C2: variants seen among roughly 807,000 people sequenced by gnomAD.
C2 encodes C3/C5 convertase.
C2 carries 64 observed loss-of-function variants against 85.2 expected under a neutral mutation model. The observed-to-expected ratio is 0.75, with a 90% CI of 0.61 to 0.92. C2 has a LOEUF of 0.92. Among genes scored for constraint, C2 ranks in the 40% least tolerant of loss-of-function variants. The pLI is 0.00. For missense variants in C2, 820 were observed against 971.6 expected, an observed-to-expected ratio of 0.84 and a Z score of 2.07; for synonymous variants, 311 against 370.8, an observed-to-expected ratio of 0.84 and a Z score of 1.85.
intron 6 of C2, 33 bp downstream of exon 6, chr6:31,934,332 C>A: frequency 2.5e-6 from 4 of 1,613,356 alleles, no homozygotes; most frequent in South Asian, 1.1e-5. Context: ...GCAGCAGAGG[C>A]CTTCCTGTGC....
intron 8 of C2, among the ~76,000 whole-genome samples, chr6:31,938,456 G>GTATATA (rs5875341): frequency 5.5e-5 from 8 of 144,256 alleles, no homozygotes; most frequent in South Asian, 2.2e-4. Context: ...ATATATGTAT[G>GTATATA]TATATATATA....
chr6:31,909,924 C>G (rs191758742), intron 1 of C2, among the ~76,000 whole-genome samples: 2 of 151,466 alleles, frequency 1.3e-5, no homozygotes, highest in African/African-American at 4.9e-5. Context: ...TCTGTTGCCC[C>G]GGCTAGAGTA....
At position 31,937,441 on chromosome 6, in the gene C2, A is replaced by C; in HGVS notation, c.1111A>C (p.Ile371Leu). 6.2e-7 allele frequency: 1 copy of C among 1,612,882 alleles called. No individual in the cohort carries two copies. Among genetic ancestry groups the C allele is most frequent in the Non-Finnish European group, 8.5e-7 (1 of 1,179,990 alleles). ...TMAWQEIRHA[I>L]ILLTDGKSNM... ...GGCCTGGCAGGAAATCCGACATGCCATCATCCTTCTGACAGATGGTGGGTA... is the reference window on the plus strand; with the variant it reads ...GGCCTGGCAGGAAATCCGACATGCCCTCATCCTTCTGACAGATGGTGGGTA... Residue 371 changes from isoleucine to leucine, a missense_variant, in exon 8 of 18, where the codon ATC becomes CTC. Coordinates refer to ENST00000299367, the MANE Select transcript of C2 (RefSeq NM_000063.6).
upstream of C2, among the ~76,000 whole-genome samples, chr6:31,899,073 A>T (rs1353132560): frequency 6.6e-6 from 1 of 152,120 alleles, no homozygotes; most frequent in Non-Finnish European, 1.5e-5. Context: ...GTAAAGGAAA[A>T]AAAAAAGTTT....
At chr6:31,923,525 C>T (rs1769094631), upstream of C2, among the ~76,000 whole-genome samples, 1 of 152,134 alleles carries the variant, frequency 6.6e-6, no homozygotes, top group Admixed American at 6.5e-5. Flanking sequence ...GCTCTGTCAC[C>T]CAGGCTGGAG....
rs1562595921 is a variant in C2, at chr6:31,933,617, C to T, written c.450C>T (p.His150=). 2 of 1,612,978 alleles carry T rather than the reference C, an allele frequency of 1.2e-6. No individual in the cohort carries two copies. Among genetic ancestry groups the T allele is most frequent in the Non-Finnish European group, 1.7e-6 (2 of 1,180,050 alleles). ...TCCTTTGTTCACTCGCAGCTGGCCACTGCCCCAACCCAGGCATTTCACTGG... is the reference window on the plus strand; with the variant it reads ...TCCTTTGTTCACTCGCAGCTGGCCATTGCCCCAACCCAGGCATTTCACTGG... ...ETAVCDNGAG[H]CPNPGISLGA... The change falls in exon 4 of 18, where the codon CAC becomes CAT. Residue 150 remains histidine (H), a synonymous_variant. Transcript: ENST00000299367.
At chr6:31,925,200 T>C (rs937258928), upstream of C2, among the ~76,000 whole-genome samples, 1 of 152,216 alleles carries the variant, frequency 6.6e-6, no homozygotes, top group Non-Finnish European at 1.5e-5. Flanking sequence ...GGGTACTTTT[T>C]TTCCTGCATT....
intron 3 of C2, among the ~76,000 whole-genome samples, chr6:31,931,262 C>CTT (rs748883719): frequency 1.6e-4 from 18 of 111,436 alleles, no homozygotes; most frequent in East Asian, 2.7e-4. Context: ...TAGGAACATT[C>CTT]TTTTTTTTTT....
At position 31,945,025 on chromosome 6, in the gene C2, T is replaced by C. The variant is rs2151776206; in HGVS notation, c.2075T>C (p.Phe692Ser). The change falls in exon 17 of 18, where the codon TTT (phenylalanine) becomes TCT (serine). Residue 692 changes from phenylalanine to serine, a missense_variant. Physicochemically the swap from Phe to Ser is radical, Grantham distance 155. Transcript: ENST00000299367. This position sits in a 1 kb window ranked among gnomAD's most constrained non-coding sequence, Gnocchi z 5.3. ...AVFLERRFRF[F>S]QVGLVSWGLY... ...TTCCTTGAGCGGAGATTCAGGTTTT[T>C]TCAGGTGAGAAGGTAGAAGCTTGCA... is the stretch of plus-strand genomic sequence containing the variant. 1 of 1,613,030 alleles carries C rather than the reference T, an allele frequency of 6.2e-7. No homozygotes were observed. Among genetic ancestry groups the C allele is most frequent in the African/African-American group, 1.3e-5 (1 of 75,036 alleles).
At position 31,935,087 on chromosome 6, in the gene C2, G is replaced by A. The variant is rs1055590089; in HGVS notation, c.849+788G>A. ...TGGAAGCCACTGGTTTAAGTTCCTC[G>A]CCAGAACTTTGTTTTGTAATTGTGC... On this transcript the variant is annotated intron_variant, in intron 6 of 17. Coordinates refer to ENST00000299367, the MANE Select transcript of C2 (RefSeq NM_000063.6). The surrounding 1 kb of genome is among the most constrained non-coding windows in gnomAD (Gnocchi z 4.3). 103 of 978,346 alleles carry A rather than the reference G, an allele frequency of 1.1e-4. No individual in the cohort carries two copies. The highest frequency in any genetic ancestry group is 1.4e-4 in the African/African-American group (8 of 57,044). The allele number at this position is 978,346 out of a possible 1,614,324, so 60.6% of individuals were successfully genotyped here. A position where few individuals can be genotyped will look rare whatever the true frequency, so the allele number is the denominator to read the frequency against.
In C2 at chr6:31,920,738, G is replaced by A. The variant is rs1768906054; in HGVS notation, c.-100+712G>A. 6.6e-6 allele frequency among the ~76,000 whole-genome samples: 1 copy of A among 152,198 alleles called. No homozygotes were observed. The highest frequency in any genetic ancestry group is 2.1e-4 in the South Asian group (1 of 4,826). Reference sequence around the variant, plus strand: ...ACCCCAGGCCTGTGAGTCTTTAGAGGTTGAGTTTTTGTCTGAAAGAGATAT... The same window carrying A: ...ACCCCAGGCCTGTGAGTCTTTAGAGATTGAGTTTTTGTCTGAAAGAGATAT... On this transcript the variant is annotated intron_variant, in intron 1 of 3. Coordinates refer to the C2 transcript ENST00000413154. The surrounding 1 kb of genome is among the most constrained non-coding windows in gnomAD (Gnocchi z 5.6).
At chr6:31,911,322 TA>T (rs914955819) in intron 1 of C2, among the ~76,000 whole-genome samples, 138 of 136,362 alleles carry the variant, frequency 1.0e-3, no homozygotes, top group African/African-American at 2.7e-3. Flanking sequence ...AATAAATACA[TA>T]AAAAAAAAAA....
intron 7 of C2, 124 bp downstream of exon 7, chr6:31,936,185 G>A: frequency 9.6e-7 from 1 of 1,037,846 alleles, no homozygotes; most frequent in Non-Finnish European, 1.4e-6. Context: ...AGTCCCACGA[G>A]TCTGGGGTAG....
At position 31,943,885 on chromosome 6, in the gene C2, C is replaced by T. The variant is rs1014572658; in HGVS notation, c.1734-32C>T. 2 of 1,611,538 alleles carry T rather than the reference C, an allele frequency of 1.2e-6. No individual in the cohort carries two copies. The highest frequency in any genetic ancestry group is 2.7e-5 in the African/African-American group (2 of 74,884). The stretch of plus-strand genomic sequence containing the variant: ...AGATCCCTGGAAGAGATACTGGGGA[C>T]AGGCTGGTGTGACCCTTGCTCTTCT... On this transcript the variant is annotated intron_variant, in intron 13 of 17. Coordinates refer to ENST00000299367, the MANE Select transcript of C2 (RefSeq NM_000063.6). This position sits in a 1 kb window ranked among gnomAD's most constrained non-coding sequence, Gnocchi z 6.4.
upstream of C2, among the ~76,000 whole-genome samples, chr6:31,916,773 CAG>C (rs1768545732): frequency 8.9e-6 from 1 of 112,242 alleles, no homozygotes; most frequent in Non-Finnish European, 1.7e-5. Context: ...TTTTTTGAGA[CAG>C]AGTTTTGCTC....
intron 1 of C2, among the ~76,000 whole-genome samples, chr6:31,908,197 G>A (rs1454900173): frequency 6.7e-6 from 1 of 148,182 alleles, no homozygotes; most frequent in Non-Finnish European, 1.5e-5. Flanking sequence ...TTCCCGTGTT[G>A]CCCAGTCATT....
At chr6:31,925,428 G>A (rs143518702), upstream of C2, among the ~76,000 whole-genome samples, 200 of 152,136 alleles carry the variant, frequency 1.3e-3, no homozygotes, top group African/African-American at 4.2e-3. Flanking sequence ...GAGCAGCTGG[G>A]ATTACAGGCG....
chr6:31,937,256 T>TC, intron 7 of C2, 63 bp from the exon 8 acceptor site: 1 of 1,523,166 alleles, frequency 6.6e-7, no homozygotes, highest in East Asian at 2.3e-5. Flanking sequence ...ATAGAGTGAT[T>TC]CCCTACCCCT....
At chr6:31,934,701 T>G in intron 6 of C2, 1 of 1,212,738 alleles carries the variant, frequency 8.2e-7, no homozygotes, top group Non-Finnish European at 1.0e-6. Context: ...TTCAACATTT[T>G]GTGCAGGCTT....
Sources: gnomAD v4.1 joint callset for allele counts (sites outside exome capture counted in the v4.1 genomes callset) on GRCh38, gnomAD v4.1.1 for gene constraint, Gnocchi (gnomAD v3.1) non-coding constraint, MANE v1.5 for transcripts, NCBI Gene and HGNC (gene_info 2026-07-23, HGNC 2026-07-21) for gene names.